TPTE: variants seen among roughly 807,000 people sequenced by gnomAD.
TPTE encodes transmembrane phosphatase with tensin homology.
In TPTE, 59 loss-of-function variants were observed where a neutral mutation model predicts 84.1. The observed-to-expected ratio is 0.70, with a 90% CI of 0.57 to 0.87. The LOEUF (loss-of-function observed/expected upper bound fraction) is 0.87, where lower values mean the gene tolerates loss of function less well. Ranked by LOEUF, TPTE falls within the 40% of genes least tolerant of loss-of-function variation. TPTE has a pLI of 0.00. For missense variants in TPTE, 382 were observed against 659.6 expected, an observed-to-expected ratio of 0.58 and a Z score of 4.61; for synonymous variants, 130 against 223.5, an observed-to-expected ratio of 0.58 and a Z score of 3.73.
rs761514538 is a variant in TPTE at position 10,567,655 on chromosome 21, T to C, written c.447-15T>C. 2 of 1,608,550 alleles carry C rather than the reference T, an allele frequency of 1.2e-6. No individual in the cohort carries two copies. Among genetic ancestry groups the C allele is most frequent in the African/African-American group, 2.7e-5 (2 of 74,440 alleles). ...CAGGGGGGAATGAACTTATTTTTTT[T>C]GTTTTATATTACAGGAGACAGCAGT... On this transcript the variant is annotated splice_polypyrimidine_tract_variant and intron_variant, in intron 10 of 23. Transcript: ENST00000618007.
At chr21:10,574,032 GAT>G (rs1220571307) in intron 14 of TPTE, among the ~76,000 whole-genome samples, 1 of 152,310 alleles carries the variant, frequency 6.6e-6, no homozygotes, top group East Asian at 1.9e-4. Flanking sequence ...GGCCGTTTTT[GAT>G]AGTCTACCAT....
At chr21:10,542,181 A>C (rs1369711409) in intron 5 of TPTE, among the ~76,000 whole-genome samples, 1 of 152,308 alleles carries the variant, frequency 6.6e-6, no homozygotes, top group Non-Finnish European at 1.5e-5. Context: ...ATCGGGAAGC[A>C]TTACTATTTT....
chr21:10,564,997 C>G (rs2074890910), intron 10 of TPTE, among the ~76,000 whole-genome samples: 2 of 152,306 alleles, frequency 1.3e-5, no homozygotes, highest in South Asian at 4.1e-4. Flanking sequence ...GAAGTCCTAG[C>G]TAGAGCCATT....
chr21:10,600,075 G>A lies in TPTE; in HGVS notation c.1356+1981G>A, dbSNP rs551748990. 2.6e-5 allele frequency among the ~76,000 whole-genome samples: 4 copies of A among 152,354 alleles called. No homozygotes were observed. In the East Asian group the frequency reaches 7.7e-4, roughly 29 times the overall value. ...CCACCTCAGCCTCACAAGATGCTGGGATTATAAACATGAGCCACGCTGCCC... is the reference window on the plus strand; with the variant it reads ...CCACCTCAGCCTCACAAGATGCTGGAATTATAAACATGAGCCACGCTGCCC... On this transcript the variant is annotated intron_variant, in intron 21 of 23. Transcript: ENST00000618007.
chr21:10,538,862 C>T (rs991173695), intron 4 of TPTE, 128 bp downstream of exon 4: 5 of 1,591,334 alleles, frequency 3.1e-6, no homozygotes, highest in Non-Finnish European at 2.6e-6. Context: ...ACACTTCTCT[C>T]AAACACATCC....
chr21:10,542,365 C>T (rs575087533), intron 5 of TPTE, 30 bp from the exon 6 acceptor site: 894 of 1,608,122 alleles, frequency 5.6e-4, no homozygotes, highest in Non-Finnish European at 7.2e-4. Flanking sequence ...TATGTCTCCT[C>T]TCTGACTGTT....
chr21:10,580,866 GA>G (rs376549486), intron 17 of TPTE, among the ~76,000 whole-genome samples: 12 of 151,774 alleles, frequency 7.9e-5, no homozygotes, highest in South Asian at 2.1e-4. Flanking sequence ...GAAAATGGGG[GA>G]AAAAAGCCAT....
In TPTE at chr21:10,590,426, A is replaced by G. The variant is rs367730033; in HGVS notation, c.1028-36A>G. 5.2e-5 allele frequency: 84 copies of G among 1,612,780 alleles called. No individual in the cohort carries two copies. In the African/African-American group the frequency reaches 1.1e-3, roughly 20 times the overall value. On this transcript the variant is annotated intron_variant, in intron 17 of 23. Coordinates refer to ENST00000618007, the MANE Select transcript of TPTE (RefSeq NM_199261.4). ...ATATTTCTGAGTGTATTTTTATACC[A>G]CGTATGTTCTTGAACTAACTTCTTT...
chr21:10,549,042 CT>C (rs1351589133), intron 7 of TPTE, among the ~76,000 whole-genome samples: 2 of 152,310 alleles, frequency 1.3e-5, no homozygotes, highest in African/African-American at 4.8e-5. Context: ...GAGCCCACCC[CT>C]GGCAAGGCTG....
At chr21:10,556,150 A>T (rs376585286) in intron 8 of TPTE, among the ~76,000 whole-genome samples, 2,375 of 151,374 alleles carry the variant, frequency 0.016, no homozygotes, top group Non-Finnish European at 0.026. Context: ...CCATTAATTC[A>T]TCATTTACAT....
At chr21:10,562,264 A>G (rs1420467645) in intron 10 of TPTE, among the ~76,000 whole-genome samples, 3 of 152,312 alleles carry the variant, frequency 2.0e-5, no homozygotes, top group South Asian at 2.1e-4. Context: ...CCCAAGAAAG[A>G]TGGGTACAAA....
chr21:10,546,225 G>T (rs1200781490), intron 7 of TPTE, among the ~76,000 whole-genome samples: 1 of 152,298 alleles, frequency 6.6e-6, no homozygotes, highest in Admixed American at 6.5e-5. Flanking sequence ...GGTGATATGT[G>T]ATCAGTGATC....
intron 10 of TPTE, among the ~76,000 whole-genome samples, chr21:10,563,914 G>A (rs1394812874): frequency 6.6e-6 from 1 of 152,310 alleles, no homozygotes; most frequent in Non-Finnish European, 1.5e-5. Context: ...CCAGCAGTTT[G>A]GGAGGCCAAG....
chr21:10,553,260 T>G (rs990592094), intron 8 of TPTE, among the ~76,000 whole-genome samples: 44 of 152,416 alleles, frequency 2.9e-4, no homozygotes, highest in Non-Finnish European at 6.3e-4. Context: ...CAATACATTC[T>G]TAAACTGGCT....
At chr21:10,553,146 T>C (rs2074612864) in intron 8 of TPTE, among the ~76,000 whole-genome samples, 1 of 152,306 alleles carries the variant, frequency 6.6e-6, no homozygotes, top group South Asian at 2.1e-4. Context: ...TAAAGACCTC[T>C]TTATGCTCAT....
At chr21:10,590,882 C>T (rs1192763708) in intron 18 of TPTE, among the ~76,000 whole-genome samples, 114 of 152,036 alleles carry the variant, frequency 7.5e-4, no homozygotes, top group African/African-American at 2.7e-3. Flanking sequence ...AAAGACAAGA[C>T]CTGATGGGGC....
chr21:10,571,270 A>G (rs1254901047), intron 14 of TPTE, among the ~76,000 whole-genome samples: 1 of 152,308 alleles, frequency 6.6e-6, no homozygotes, highest in African/African-American at 2.4e-5. Context: ...CAGCCAAAAA[A>G]GTCACCTGAA....
At chr21:10,530,391 T>C (rs1332315272) in intron 3 of TPTE, among the ~76,000 whole-genome samples, 10 of 152,308 alleles carry the variant, frequency 6.6e-5, no homozygotes, top group Non-Finnish European at 1.2e-4. Flanking sequence ...TTATATGTGT[T>C]CTGTAAACTA....
In TPTE at chr21:10,556,345, A is replaced by T. The variant is rs2074683211; in HGVS notation, c.234-3149A>T. Among the ~76,000 whole-genome samples the T allele has an allele frequency of 2.6e-5, 4 of 152,426 alleles. No homozygotes were observed. In the South Asian group the frequency reaches 6.2e-4, roughly 24 times the overall value. ...GCTGAGAATGATGGTTTCCAGCTTC[A>T]TCCATGTCCCTACAAAGGACATGAA... is the stretch of plus-strand genomic sequence containing the variant. On this transcript the variant is annotated intron_variant, in intron 8 of 23. Transcript: ENST00000618007.
Sources: allele counts gnomAD v4.1 joint callset (sites outside exome capture counted in the v4.1 genomes callset), GRCh38; gene constraint gnomAD v4.1.1; transcripts MANE v1.5; gene names NCBI Gene and HGNC (gene_info 2026-07-23, HGNC 2026-07-21).